MRPL13: variants seen among roughly 807,000 people sequenced by gnomAD.
MRPL13 encodes the protein large ribosomal subunit protein uL13m.
Under a neutral mutation model 29.0 loss-of-function variants are expected in MRPL13, and 33 were observed. That is an observed-to-expected ratio of 1.14 (90% CI 0.86 to 1.52). The LOEUF (loss-of-function observed/expected upper bound fraction) is 1.52, where lower values mean the gene tolerates loss of function less well. MRPL13 is among the 40% of genes most tolerant of loss of function. MRPL13 has a pLI of 0.00. For missense variants in MRPL13, 227 were observed against 216.7 expected (o/e 1.05, Z -0.30); for synonymous variants, 77 against 68.4 (o/e 1.13, Z -0.62).
intron 5 of MRPL13, chr8:120,415,740 G>A (rs1333714112): frequency 6.6e-6 from 1 of 151,978 alleles, no homozygotes; most frequent in Non-Finnish European, 1.5e-5. Flanking sequence ...ATTCAAATCT[G>A]CACAATAATT....
chr8:120,432,049 CT>C lies in MRPL13; in HGVS notation c.225del (p.Val76TyrfsTer15). 6.2e-7 allele frequency: 1 copy of C among 1,606,932 alleles called. No homozygotes were observed. The highest frequency in any genetic ancestry group is 2.3e-5 in the East Asian group (1 of 44,430). On this transcript the variant is annotated frameshift_variant, in exon 3 of 7. Coordinates refer to ENST00000306185, the MANE Select transcript of MRPL13 (RefSeq NM_014078.6). LOFTEE classifies it high-confidence loss of function. Reference sequence around the variant, plus strand: ...TCTTACCCAGTATGCGAAGAGTATACTTTTTGTTCCCATTTGTTTCCAGAAA... The same window carrying C: ...TCTTACCCAGTATGCGAAGAGTATACTTTTGTTCCCATTTGTTTCCAGAAA... ...IAFSGNKWEQ[K>X]VYSSHTGYPG... is the part of the protein sequence containing the mutation.
In MRPL13 at chr8:120,432,108, T is replaced by A; in HGVS notation, c.167A>T (p.His56Leu). ...GTGTCTTGTGTTCATTATAACAACA[T>A]GATCCCCACAGTCACCTACATTTTA... The part of the protein sequence containing the change: ...VYHALSDCGD[H>L]VVIMNTRHIA... Residue 56 changes from histidine (H) to leucine (L), a missense_variant, in exon 3 of 7, where the codon CAT becomes CTT. Physicochemically the swap from His to Leu is moderately conservative, Grantham distance 99. Coordinates refer to ENST00000306185, the MANE Select transcript of MRPL13 (RefSeq NM_014078.6). The A allele has an allele frequency of 6.2e-7, 1 of 1,600,136 alleles. No homozygotes were observed.
chr8:120,399,967 G>A (rs998923032), intron 6 of MRPL13, among the ~76,000 whole-genome samples: 6 of 152,172 alleles, frequency 3.9e-5, no homozygotes, highest in Non-Finnish European at 8.8e-5. Flanking sequence ...TAATTCAGGA[G>A]TACGCAGATT....
chr8:120,401,370 T>C (rs1563770046), intron 6 of MRPL13, among the ~76,000 whole-genome samples: 1 of 152,130 alleles, frequency 6.6e-6, no homozygotes, highest in Non-Finnish European at 1.5e-5. Context: ...ATAAATGTAA[T>C]TCATCAACAT....
At chr8:120,429,103 C>A (rs1434933276) in intron 3 of MRPL13, among the ~76,000 whole-genome samples, 1 of 152,058 alleles carries the variant, frequency 6.6e-6, no homozygotes, top group Non-Finnish European at 1.5e-5. Context: ...CCTACATGCC[C>A]ATCAAAGGTA....
chr8:120,421,026 A>C (rs577971879), intron 4 of MRPL13, among the ~76,000 whole-genome samples: 1 of 151,952 alleles, frequency 6.6e-6, no homozygotes, highest in South Asian at 2.1e-4. Flanking sequence ...ATGTACATGC[A>C]AAAAAGTAAT....
rs1039499427 is a variant in MRPL13, at chr8:120,397,410, C to G, written c.516-1285G>C. ...TTCCATGGCATCTCACAAGTTAAGCCTCACTGGATTGGAAATCCAGCCAAC... is the reference window on the plus strand; with the variant it reads ...TTCCATGGCATCTCACAAGTTAAGCGTCACTGGATTGGAAATCCAGCCAAC... On this transcript the variant is annotated intron_variant, in intron 6 of 6. Transcript: ENST00000306185. Among the ~76,000 whole-genome samples the G allele has an allele frequency of 1.2e-4, 19 of 152,284 alleles. 1 individual carries two copies. The East Asian group carries it at 3.7e-3, about 29-fold the overall frequency.
At chr8:120,400,195 C>G (rs546205375) in intron 6 of MRPL13, among the ~76,000 whole-genome samples, 8 of 152,322 alleles carry the variant, frequency 5.3e-5, no homozygotes, top group African/African-American at 1.9e-4. Context: ...CTTCTCATTG[C>G]CACATGGCAT....
intron 6 of MRPL13, among the ~76,000 whole-genome samples, chr8:120,412,123 A>G (rs996689075): frequency 6.6e-6 from 1 of 152,164 alleles, no homozygotes; most frequent in Non-Finnish European, 1.5e-5. Flanking sequence ...CTAATTTTAA[A>G]AAAAAGAGTA....
intron 5 of MRPL13, chr8:120,415,019 A>G (rs570112233): frequency 3.9e-5 from 6 of 152,342 alleles, no homozygotes; most frequent in Non-Finnish European, 7.4e-5. Flanking sequence ...AAGGCACACT[A>G]AAGAGTAAAG....
intron 3 of MRPL13, among the ~76,000 whole-genome samples, chr8:120,429,235 A>T (rs573706210): frequency 1.4e-4 from 22 of 152,292 alleles, no homozygotes; most frequent in African/African-American, 5.1e-4. Flanking sequence ...TTCTAAGCAA[A>T]CTAACACAAG....
intron 6 of MRPL13, among the ~76,000 whole-genome samples, chr8:120,412,724 TA>T (rs1224223313): frequency 1.3e-5 from 2 of 152,194 alleles, no homozygotes; most frequent in Admixed American, 6.5e-5. Context: ...GGTTTCTAAG[TA>T]TTTCTAAGAT....
At position 120,419,935 on chromosome 8, in the gene MRPL13, C is replaced by A; in HGVS notation, c.310G>T (p.Val104Leu). 1 of 1,586,688 alleles carries A rather than the reference C, an allele frequency of 6.3e-7. No homozygotes were observed. ...QLHLRDPVAI[V>L]KLAIYGMLPK... ...AGCATGCCATAAATAGCTAGTTTTACAATCTGAAAGATATACATAGGACAC... is the reference window on the plus strand; with the variant it reads ...AGCATGCCATAAATAGCTAGTTTTAAAATCTGAAAGATATACATAGGACAC... Residue 104 changes from valine (V) to leucine (L), a missense_variant, in exon 5 of 7, where the codon GTA (valine) becomes TTA (leucine). Physicochemically the swap from Val to Leu is conservative, Grantham distance 32. Transcript: ENST00000306185.
In MRPL13 at chr8:120,417,261, G is replaced by A. The variant is rs774013541; in HGVS notation, c.393+2591C>T. On this transcript the variant is annotated intron_variant, in intron 5 of 6. Transcript: ENST00000306185. ...ACCAAAGATTTGATCTCATGGTTAC[G>A]GTGGTGTCCACCAGATTTTATTAAT... Among the ~76,000 whole-genome samples, 77 of 152,148 alleles carry A rather than the reference G, an allele frequency of 5.1e-4. 1 individual carries two copies. The highest frequency in any genetic ancestry group is 2.4e-4 in the Non-Finnish European group (16 of 68,012).
At position 120,420,511 on chromosome 8, in the gene MRPL13, T is replaced by A. The variant is rs144437089; in HGVS notation, c.307-573A>T. 7.2e-4 allele frequency among the ~76,000 whole-genome samples: 107 copies of A among 147,930 alleles called. 1 individual carries two copies. Among genetic ancestry groups the A allele is most frequent in the African/African-American group, 2.5e-3 (102 of 40,822 alleles). On this transcript the variant is annotated intron_variant, in intron 4 of 6. Coordinates refer to ENST00000306185, the MANE Select transcript of MRPL13 (RefSeq NM_014078.6). Reference sequence around the variant, plus strand: ...AAAATATATATAAATATATATATATTTATGTTGTTAAAATTAAAAGCAATT... The same window carrying A: ...AAAATATATATAAATATATATATATATATGTTGTTAAAATTAAAAGCAATT...
intron 6 of MRPL13, among the ~76,000 whole-genome samples, chr8:120,409,552 T>C (rs1812718007): frequency 6.6e-6 from 1 of 152,150 alleles, no homozygotes; most frequent in Non-Finnish European, 1.5e-5. Context: ...ATAGTGCTAT[T>C]TTTTTCCTTT....
intron 2 of MRPL13, among the ~76,000 whole-genome samples, chr8:120,441,936 GAGTATA>G (rs1813129532): frequency 6.6e-6 from 1 of 152,108 alleles, no homozygotes; most frequent in Non-Finnish European, 1.5e-5. Flanking sequence ...TTTAGGTGGA[GAGTATA>G]AAGAAATTCA....
chr8:120,437,157 T>C (rs1813063993), intron 2 of MRPL13, among the ~76,000 whole-genome samples: 1 of 152,180 alleles, frequency 6.6e-6, no homozygotes, highest in African/African-American at 2.4e-5. Flanking sequence ...CAATTTAGAT[T>C]GCAAAATTAA....
At chr8:120,434,741 T>C (rs1813032977) in intron 2 of MRPL13, among the ~76,000 whole-genome samples, 1 of 152,120 alleles carries the variant, frequency 6.6e-6, no homozygotes, top group South Asian at 2.1e-4. Flanking sequence ...CAAGGAGACC[T>C]AGAGTATAGG....
Sources: gnomAD v4.1 joint callset for allele counts (sites outside exome capture counted in the v4.1 genomes callset) on GRCh38, gnomAD v4.1.1 for gene constraint, MANE v1.5 for transcripts, NCBI Gene and HGNC (gene_info 2026-07-23, HGNC 2026-07-21) for gene names.